Variants in CLEC2A observed in about 807,000 individuals in gnomAD.
The protein encoded by CLEC2A is C-type lectin domain family 2 member A, also known as keratinocyte-associated C-type lectin.
Under a neutral mutation model 18.6 loss-of-function variants are expected in CLEC2A, and 19 were observed. The observed-to-expected ratio is 1.02, with a 90% CI of 0.71 to 1.50. The LOEUF (loss-of-function observed/expected upper bound fraction) is 1.50, where lower values mean the gene tolerates loss of function less well. Among genes scored for constraint, CLEC2A ranks in the 40% most tolerant of loss-of-function variants. The probability of loss-of-function intolerance (pLI) is 0.00; values close to 1 mark genes in which losing one functional copy is unlikely to be tolerated. For synonymous variants in CLEC2A, 74 were observed against 64.0 expected (o/e 1.16, Z -0.75); for missense variants, 190 against 207.9 (o/e 0.91, Z 0.53).
chr12:9,887,351 G>A, the CLEC2A span, among the ~76,000 whole-genome samples: 1 of 152,132 alleles, frequency 6.6e-6, no homozygotes, highest in Non-Finnish European at 1.5e-5. Flanking sequence ...TAATCCTAAA[G>A]GGTTTACATA....
intron 3 of CLEC2A, among the ~76,000 whole-genome samples, chr12:9,917,534 C>G (rs1458320974): frequency 6.6e-6 from 1 of 152,150 alleles, no homozygotes; most frequent in Non-Finnish European, 1.5e-5. Flanking sequence ...CATGTCAGTA[C>G]TAGATCAAAG....
rs146685249 is a variant in CLEC2A at position 9,902,203 on chromosome 12, A to C, written c.411-3227T>G. Among the ~76,000 whole-genome samples the C allele has an allele frequency of 2.4e-3, 358 of 150,026 alleles. 2 individuals carry two copies. The highest frequency in any genetic ancestry group is 8.2e-3 in the African/African-American group (334 of 40,826). On this transcript the variant is annotated intron_variant, in intron 4 of 4. Coordinates refer to the CLEC2A transcript ENST00000339766. ...AGGTAAAACCTGGTAAGTTACTTTA[A>C]TTGAGTGCTAAGTGTAGCCAAGGTT...
rs1048227270 is a variant in CLEC2A at position 9,922,199 on chromosome 12, C to T, written c.173G>A (p.Cys58Tyr). 4.5e-6 allele frequency: 7 copies of T among 1,550,064 alleles called. No individual in the cohort carries two copies. The highest frequency in any genetic ancestry group is 2.7e-5 in the African/African-American group (2 of 72,958). The change falls in exon 3 of 5, where the codon TGT (cysteine) becomes TAT (tyrosine). Residue 58 changes from cysteine to tyrosine, a missense_variant. Cys to Tyr is a radical substitution (Grantham distance 194). Coordinates refer to ENST00000455827, the MANE Select transcript of CLEC2A (RefSeq NM_001130711.2). ...TWSKHAKPVA[C>Y]SGDWLGVRDK... ...TCTCACTCCAAGCCAGTCCCCTGAA[C>T]ATGCCACAGGTTTAGCATGCTTGGA...
chr12:9,910,406 A>G (rs1375075418), downstream of CLEC2A, among the ~76,000 whole-genome samples: 1 of 151,960 alleles, frequency 6.6e-6, no homozygotes, highest in Non-Finnish European at 1.5e-5. Context: ...GGAGGTTTCT[A>G]ATGCTTCTGG....
At chr12:9,919,753 C>T (rs114085010) in intron 3 of CLEC2A, among the ~76,000 whole-genome samples, 2,517 of 152,248 alleles carry the variant, frequency 0.017, 65 homozygotes, top group African/African-American at 0.056. Flanking sequence ...TTTTCTGATA[C>T]CTGTAGGTAC....
At chr12:9,878,982 G>A in the CLEC2A span, among the ~76,000 whole-genome samples, 1 of 152,080 alleles carries the variant, frequency 6.6e-6, no homozygotes, top group African/African-American at 2.4e-5. Flanking sequence ...GATGTATTGG[G>A]AGATGCTACA....
intron 4 of CLEC2A, among the ~76,000 whole-genome samples, chr12:9,906,020 G>GTTTTTTTTT (rs367651590): frequency 1.2e-5 from 1 of 83,072 alleles, no homozygotes. Flanking sequence ...CCACTTATTA[G>GTTTTTTTTT]TTTTGTTTTT....
At chr12:9,930,245 C>G (rs1863352811) in intron 1 of CLEC2A, among the ~76,000 whole-genome samples, 2 of 152,128 alleles carry the variant, frequency 1.3e-5, no homozygotes, top group Non-Finnish European at 2.9e-5. Context: ...AGGTCCCAAC[C>G]TACCGACCTA....
downstream of CLEC2A, among the ~76,000 whole-genome samples, chr12:9,910,525 C>G (rs916245756): frequency 2.0e-5 from 3 of 152,186 alleles, no homozygotes; most frequent in Admixed American, 6.5e-5. Context: ...CCTTTCTTCT[C>G]CTAGAAGCTT....
intron 4 of CLEC2A, among the ~76,000 whole-genome samples, chr12:9,899,734 C>A (rs1398926975): frequency 6.6e-6 from 1 of 152,194 alleles, no homozygotes; most frequent in Admixed American, 6.5e-5. Context: ...CCTTGGAGTT[C>A]CCTAGACCTC....
the CLEC2A span, among the ~76,000 whole-genome samples, chr12:9,891,016 T>C: frequency 1.1e-4 from 16 of 152,300 alleles, 1 homozygote; most frequent in East Asian, 2.1e-3. Flanking sequence ...CTCTTGAGTC[T>C]TAATTTATAG....
At chr12:9,885,448 AC>A in the CLEC2A span, among the ~76,000 whole-genome samples, 1 of 151,744 alleles carries the variant, frequency 6.6e-6, no homozygotes, top group Non-Finnish European at 1.5e-5. Flanking sequence ...TATTTGAACA[AC>A]CAAAGAAATT....
chr12:9,926,475 A>G, intron 1 of CLEC2A, 132 bp from the exon 2 acceptor site: 3 of 627,510 alleles, frequency 4.8e-6, no homozygotes. Flanking sequence ...CAAAATAACA[A>G]AGGATAGCAA....
chr12:9,919,384 G>A (rs1156758309), intron 3 of CLEC2A, among the ~76,000 whole-genome samples: 1 of 152,226 alleles, frequency 6.6e-6, no homozygotes, highest in African/African-American at 2.4e-5. Context: ...GTCTGGTGAT[G>A]AGCAAGGTGG....
At chr12:9,889,527 TATA>T in the CLEC2A span, among the ~76,000 whole-genome samples, 3 of 152,122 alleles carry the variant, frequency 2.0e-5, no homozygotes, top group African/African-American at 4.8e-5. Context: ...AGACTGAAGA[TATA>T]ATATTAATTT....
At chr12:9,879,331 G>C in the CLEC2A span, among the ~76,000 whole-genome samples, 1 of 152,208 alleles carries the variant, frequency 6.6e-6, no homozygotes, top group Admixed American at 6.5e-5. Context: ...AAAGCTCTTC[G>C]CAGACCAGGA....
chr12:9,893,264 T>C, the CLEC2A span: 2 of 1,176,816 alleles, frequency 1.7e-6, no homozygotes, highest in Non-Finnish European at 2.3e-6. Context: ...TGTCGTTGCT[T>C]CTGAACATGT....
At chr12:9,926,046 A>C (rs1252103639) in intron 2 of CLEC2A, among the ~76,000 whole-genome samples, 1 of 152,216 alleles carries the variant, frequency 6.6e-6, no homozygotes, top group African/African-American at 2.4e-5. Flanking sequence ...AAGGACTATA[A>C]AGTCAAGAAC....
At chr12:9,925,443 A>G (rs1863253216) in intron 2 of CLEC2A, among the ~76,000 whole-genome samples, 1 of 152,198 alleles carries the variant, frequency 6.6e-6, no homozygotes, top group Non-Finnish European at 1.5e-5. Flanking sequence ...GTTTGATCCT[A>G]GGTCTGGAAT....
Sources: allele counts gnomAD v4.1 joint callset (sites outside exome capture counted in the v4.1 genomes callset), GRCh38; gene constraint gnomAD v4.1.1; transcripts MANE v1.5; gene names NCBI Gene and HGNC (gene_info 2026-07-23, HGNC 2026-07-21).